EYA1: variants seen among roughly 807,000 people sequenced by gnomAD.
The protein encoded by EYA1 is EYA transcriptional coactivator and phosphatase 1.
A neutral mutation model predicts 82.0 loss-of-function variants in EYA1; 16 were observed. The observed-to-expected ratio is 0.20, with a 90% CI of 0.13 to 0.30. The LOEUF (loss-of-function observed/expected upper bound fraction) is 0.30. Among genes scored for constraint, EYA1 ranks in the 10% least tolerant of loss-of-function variants. EYA1 has a pLI of 1.00. For synonymous variants in EYA1, 261 were observed against 264.4 expected (o/e 0.99, Z 0.12); for missense variants, 633 against 730.7 (o/e 0.87, Z 1.54).
chr8:71,274,881 T>C (rs750756955), intron 9 of EYA1, among the ~76,000 whole-genome samples: 8 of 142,552 alleles, frequency 5.6e-5, no homozygotes, highest in South Asian at 2.3e-4. Flanking sequence ...AGAGAGAGAG[T>C]GAGCGAGCGA....
intron 2 of EYA1, among the ~76,000 whole-genome samples, chr8:71,448,024 T>TAACGGA (rs1807031074): frequency 3.5e-5 from 2 of 56,610 alleles, no homozygotes; most frequent in African/African-American, 1.8e-4. Context: ...TTTTTTTTTT[T>TAACGGA]TTCTCGCTCC....
At chr8:71,530,765 A>G (rs950041886) in intron 2 of EYA1, 2 of 152,218 alleles carry the variant, frequency 1.3e-5, no homozygotes, top group Non-Finnish European at 2.9e-5. Context: ...AATAACGTAC[A>G]TACATGTTTT....
intron 11 of EYA1, among the ~76,000 whole-genome samples, chr8:71,248,302 A>G (rs544664831): frequency 6.2e-4 from 94 of 152,252 alleles, no homozygotes; most frequent in Non-Finnish European, 1.2e-3. Context: ...ATTTTAGAAT[A>G]GGAAGGGGGT....
intron 2 of EYA1, among the ~76,000 whole-genome samples, chr8:71,428,789 A>G (rs1805423762): frequency 6.6e-6 from 1 of 152,222 alleles, no homozygotes; most frequent in Non-Finnish European, 1.5e-5. Context: ...TGTGACTTAA[A>G]AAAACCTCAG....
chr8:71,354,955 A>T, intron 2 of EYA1, 46 bp from the exon 3 acceptor site: 1 of 1,598,736 alleles, frequency 6.3e-7, no homozygotes, highest in East Asian at 2.3e-5. Context: ...CAAATTCATA[A>T]CACCACCATT....
At position 71,463,587 on chromosome 8, in the gene EYA1, CT is replaced by C. The variant is rs1443484057; in HGVS notation, c.33+72156del. 5.5e-3 allele frequency among the ~76,000 whole-genome samples: 201 copies of C among 36,502 alleles called. 1 individual carries two copies. Among genetic ancestry groups the C allele is most frequent in the Non-Finnish European group, 7.4e-3 (171 of 23,170 alleles). 23.9% of individuals were successfully genotyped at this position (36,502 alleles called of 152,430 possible). On this transcript the variant is annotated intron_variant, in intron 2 of 18. Coordinates refer to the EYA1 transcript ENST00000643681. ...AGAAATACATGCTTTCTCTCTCTCTCTCTCTCTCTCTCTCTCTCTCTCTCTC... is the reference window on the plus strand; with the variant it reads ...AGAAATACATGCTTTCTCTCTCTCTCCTCTCTCTCTCTCTCTCTCTCTCTC...
At chr8:71,504,072 T>C (rs1247204910) in intron 2 of EYA1, among the ~76,000 whole-genome samples, 1 of 152,262 alleles carries the variant, frequency 6.6e-6, no homozygotes, top group African/African-American at 2.4e-5. Context: ...TTACTTTTTA[T>C]GAAATTATCA....
chr8:71,441,147 G>A (rs1806406782), intron 2 of EYA1, among the ~76,000 whole-genome samples: 1 of 152,240 alleles, frequency 6.6e-6, no homozygotes, highest in South Asian at 2.1e-4. Flanking sequence ...GTCATAAACA[G>A]GAGATTTCAT....
At chr8:71,203,515 G>C (rs1250312836) in intron 17 of EYA1, among the ~76,000 whole-genome samples, 1 of 152,142 alleles carries the variant, frequency 6.6e-6, no homozygotes, top group South Asian at 2.1e-4. Flanking sequence ...AAGTTGGAGA[G>C]GTGGAAGGGA....
chr8:71,484,130 G>C (rs1199098264), intron 2 of EYA1, among the ~76,000 whole-genome samples: 1 of 152,164 alleles, frequency 6.6e-6, no homozygotes, highest in African/African-American at 2.4e-5. Flanking sequence ...TGTACAACTG[G>C]ATTACCCACA....
At chr8:71,365,609 G>T (rs1827707267), upstream of EYA1, among the ~76,000 whole-genome samples, 1 of 152,160 alleles carries the variant, frequency 6.6e-6, no homozygotes, top group Non-Finnish European at 1.5e-5. Context: ...TATACTTCCA[G>T]TCTTCCTGGT....
intron 1 of EYA1, among the ~76,000 whole-genome samples, chr8:71,542,948 T>C (rs1452292316): frequency 6.6e-6 from 1 of 152,212 alleles, no homozygotes; most frequent in Non-Finnish European, 1.5e-5. Context: ...AGATGCTGGA[T>C]ATTAGACTTT....
intron 2 of EYA1, among the ~76,000 whole-genome samples, chr8:71,532,714 A>C (rs1814390696): frequency 6.6e-6 from 1 of 152,184 alleles, no homozygotes; most frequent in Non-Finnish European, 1.5e-5. Flanking sequence ...CTTACTAGAA[A>C]AGGCACAATC....
At chr8:71,271,600 A>T (rs925377055) in intron 10 of EYA1, among the ~76,000 whole-genome samples, 158 bp downstream of exon 10, 1 of 152,232 alleles carries the variant, frequency 6.6e-6, no homozygotes, top group Non-Finnish European at 1.5e-5. Flanking sequence ...TTAATAAAGG[A>T]GAGAAAATAT....
intron 17 of EYA1, among the ~76,000 whole-genome samples, chr8:71,200,823 G>A (rs1806895962): frequency 6.6e-6 from 1 of 151,622 alleles, no homozygotes; most frequent in Non-Finnish European, 1.5e-5. Context: ...TTTGCCTAGT[G>A]AACTGGGAAA....
intron 3 of EYA1, among the ~76,000 whole-genome samples, chr8:71,337,806 AGTAATACCAG>A (rs1384574929): frequency 6.6e-6 from 1 of 152,192 alleles, no homozygotes; most frequent in Non-Finnish European, 1.5e-5. Context: ...TCTCCTGTGG[AGTAATACCAG>A]GAACAATATA....
At position 71,271,824 on chromosome 8, in the gene EYA1, A is replaced by G. The variant is rs762588398; in HGVS notation, c.900T>C (p.Asp300=). 1 of 1,614,174 alleles carries G rather than the reference A, an allele frequency of 6.2e-7. No homozygotes were observed. Among genetic ancestry groups the G allele is most frequent in the Non-Finnish European group, 8.5e-7 (1 of 1,180,020 alleles). ...SDSDRLRRGS[D]GKSRGRGRRN... ...TTCGGCCCCGTCCACGTGATTTCCC[A>G]TCTGAACCTCGACGCAATCGATCAG... Residue 300 remains aspartate (D), a synonymous_variant, in exon 10 of 18, where the codon GAT becomes GAC. Coordinates refer to ENST00000340726, the MANE Select transcript of EYA1 (RefSeq NM_000503.6).
Position 71,301,168 on chromosome 8 carries a change from C to T in EYA1, c.557-1448G>A, listed in dbSNP as rs201872104. 2.6e-5 allele frequency among the ~76,000 whole-genome samples: 4 copies of T among 152,244 alleles called. No homozygotes were observed. The East Asian group carries it at 5.8e-4, about 22-fold the overall frequency. On this transcript the variant is annotated intron_variant, in intron 7 of 17. Transcript: ENST00000340726. ...CAGGTATAAAATGTGGTAATATATG[C>T]CAATTATTTACTTGCTACTGAACAT... is the stretch of plus-strand genomic sequence containing the variant.
rs1806517911 is a variant in EYA1, at chr8:71,198,456, T to C, written c.*884A>G. 6.6e-6 allele frequency: 1 copy of C among 152,574 alleles called. No homozygotes were observed. The highest frequency in any genetic ancestry group is 2.4e-5 in the African/African-American group (1 of 41,422). The allele number at this position is 152,574 out of a possible 1,614,324, so 9.5% of individuals were successfully genotyped here. ...CATTATCTAAAAAAAAAAAATCCATTATCTACATATTTATACCGAAAACTC... is the reference window on the plus strand; with the variant it reads ...CATTATCTAAAAAAAAAAAATCCATCATCTACATATTTATACCGAAAACTC... On this transcript the variant is annotated 3_prime_UTR_variant, in exon 18 of 18. Transcript: ENST00000340726.
Sources: gnomAD v4.1 joint callset for allele counts (sites outside exome capture counted in the v4.1 genomes callset) on GRCh38, gnomAD v4.1.1 for gene constraint, MANE v1.5 for transcripts, NCBI Gene and HGNC (gene_info 2026-07-23, HGNC 2026-07-21) for gene names.